The following EML2 variants were observed in gnomAD, a reference collection of about 807,000 sequenced individuals.
EML2 encodes EMAP like 2, also known as echinoderm microtubule-associated protein-like 2.
In EML2, 59 loss-of-function variants were observed where a neutral mutation model predicts 84.7. The observed-to-expected ratio is 0.70, with a 90% CI of 0.56 to 0.86. The LOEUF is 0.86. Among genes scored for constraint, EML2 ranks in the 40% least tolerant of loss-of-function variants. The probability of loss-of-function intolerance (pLI) is 0.00; values close to 1 mark genes in which losing one functional copy is unlikely to be tolerated. For missense variants in EML2, 818 were observed against 855.6 expected (o/e 0.96, Z 0.55); for synonymous variants, 352 against 348.9 (o/e 1.01, Z -0.10).
chr19:45,643,587 A>G, upstream of EML2: 2 of 1,536,002 alleles, frequency 1.3e-6, no homozygotes, highest in Middle Eastern at 1.7e-4. Flanking sequence ...ACCCAGACTC[A>G]TTGCTGACCA....
At chr19:45,641,921 C>G, upstream of EML2, 1 of 1,441,514 alleles carries the variant, frequency 6.9e-7, no homozygotes, top group Non-Finnish European at 9.1e-7. Context: ...GCCTTACCTG[C>G]GCCCGGAGGT....
intron 6 of EML2, among the ~76,000 whole-genome samples, chr19:45,631,029 T>C (rs983427229): frequency 4.6e-5 from 7 of 152,076 alleles, no homozygotes; most frequent in African/African-American, 7.2e-5. Flanking sequence ...GTATTTTTAG[T>C]AGAGACAGGG....
chr19:45,626,296 G>A lies in EML2; in HGVS notation c.741+409C>T, dbSNP rs181729812. 6.2e-4 allele frequency among the ~76,000 whole-genome samples: 94 copies of A among 151,510 alleles called. 1 individual carries two copies. The highest frequency in any genetic ancestry group is 2.1e-3 in the African/African-American group (87 of 41,246). Reference sequence around the variant, plus strand: ...CAAAATGCTGGGATTACAGGCGAGAGCCACCTTGCCACAGTACCCATTTAT... The same window carrying A: ...CAAAATGCTGGGATTACAGGCGAGAACCACCTTGCCACAGTACCCATTTAT... On this transcript the variant is annotated intron_variant, in intron 8 of 18. Transcript: ENST00000245925.
upstream of EML2, among the ~76,000 whole-genome samples, chr19:45,644,378 G>A (rs910293386): frequency 3.3e-5 from 5 of 152,120 alleles, no homozygotes; most frequent in African/African-American, 7.2e-5. Flanking sequence ...CTCTTAGAGG[G>A]ACAGAGGAGG....
intron 17 of EML2, 142 bp from the exon 18 acceptor site, chr19:45,613,813 A>G (rs1054477759): frequency 2.9e-6 from 3 of 1,051,226 alleles, no homozygotes; most frequent in Non-Finnish European, 4.0e-6. Flanking sequence ...ATTACCTTAA[A>G]ATGTGAATCC....
chr19:45,631,232 A>C (rs983118712), intron 6 of EML2, among the ~76,000 whole-genome samples: 8 of 152,054 alleles, frequency 5.3e-5, no homozygotes, highest in Middle Eastern at 3.2e-3. Context: ...CTTTGGTAAC[A>C]ATATGGCTTA....
At chr19:45,613,182 A>C (rs559573018) in intron 18 of EML2, among the ~76,000 whole-genome samples, 1 of 152,304 alleles carries the variant, frequency 6.6e-6, no homozygotes, top group East Asian at 1.9e-4. Context: ...TACAGGTGTG[A>C]GCCACTGCAA....
At chr19:45,633,749 AAAG>A (rs1283468084) in intron 4 of EML2, among the ~76,000 whole-genome samples, 2 of 151,948 alleles carry the variant, frequency 1.3e-5, no homozygotes, top group Non-Finnish European at 2.9e-5. Flanking sequence ...AAAAAAGAAA[AAAG>A]AAAAAAAAAG....
Position 45,633,154 on chromosome 19 carries a change from G to A in EML2, c.330-15C>T. On this transcript the variant is annotated splice_polypyrimidine_tract_variant and intron_variant, in intron 4 of 18. Coordinates refer to ENST00000245925, the MANE Select transcript of EML2 (RefSeq NM_012155.4). ...GGATGGCCAAGCTGCGGAAAGAAGG[G>A]ACAGAGAGACCAGGGCTCAGTGGGA... The A allele has an allele frequency of 1.2e-6, 2 of 1,605,522 alleles. No individual in the cohort carries two copies. Among genetic ancestry groups the A allele is most frequent in the Non-Finnish European group, 1.7e-6 (2 of 1,176,236 alleles).
chr19:45,621,732 T>A, intron 9 of EML2, 95 bp from the exon 10 acceptor site: 3 of 1,347,658 alleles, frequency 2.2e-6, no homozygotes, highest in Non-Finnish European at 3.0e-6. Context: ...GTCCATCCAT[T>A]CTCACCCACT....
upstream of EML2, chr19:45,642,187 G>A (rs1974591402): frequency 5.2e-6 from 8 of 1,531,596 alleles, no homozygotes; most frequent in Non-Finnish European, 7.0e-6. Flanking sequence ...GGTGCCCCGC[G>A]CGCGTAGCGC....
At chr19:45,638,344 C>T (rs957965966) in intron 3 of EML2, among the ~76,000 whole-genome samples, 161 bp downstream of exon 3, 5 of 152,184 alleles carry the variant, frequency 3.3e-5, no homozygotes, top group Non-Finnish European at 5.9e-5. Context: ...AGCCCTTGAA[C>T]GTGCTGTGCT....
chr19:45,615,839 G>C lies in EML2; in HGVS notation c.1560C>G (p.Cys520Trp), dbSNP rs1334225340. 1.2e-6 allele frequency: 2 copies of C among 1,614,010 alleles called. No homozygotes were observed. The highest frequency in any genetic ancestry group is 2.2e-5 in the South Asian group (2 of 91,078). ...THLDWAQDSS[C>W]FVTNSGDYEI... ...CATAGTCCCCGGAGTTGGTGACAAAGCAGCTGCTGTCCTGGGCCCAATCCA... is the reference window on the plus strand; with the variant it reads ...CATAGTCCCCGGAGTTGGTGACAAACCAGCTGCTGTCCTGGGCCCAATCCA... The change falls in exon 16 of 19, where the codon TGC (cysteine) becomes TGG (tryptophan). Residue 520 changes from cysteine to tryptophan, a missense_variant. Transcript: ENST00000245925.
intron 4 of EML2, among the ~76,000 whole-genome samples, 178 bp downstream of exon 4, chr19:45,634,144 C>T (rs959737970): frequency 3.9e-5 from 6 of 152,170 alleles, no homozygotes; most frequent in Non-Finnish European, 8.8e-5. Flanking sequence ...GATACTCAAT[C>T]CACATTTTCC....
intron 7 of EML2, 61 bp from the exon 8 acceptor site, chr19:45,626,900 G>A (rs1454467403): frequency 2.2e-5 from 33 of 1,510,800 alleles, no homozygotes; most frequent in East Asian, 4.9e-5. Context: ...TACTATACCC[G>A]CCCCTCACAG....
chr19:45,623,537 ATTC>A (rs1234357932), intron 9 of EML2: 1 of 151,344 alleles, frequency 6.6e-6, no homozygotes, highest in Non-Finnish European at 1.5e-5. Context: ...TTAAAAAAAA[ATTC>A]TTTATTAAAA....
upstream of EML2, chr19:45,639,427 T>C: frequency 8.0e-7 from 1 of 1,245,370 alleles, no homozygotes. Context: ...GGACCGGCTC[T>C]GCCGCTTCCG....
intron 6 of EML2, among the ~76,000 whole-genome samples, chr19:45,631,621 T>C (rs1973041987): frequency 6.6e-6 from 1 of 152,086 alleles, no homozygotes; most frequent in African/African-American, 2.4e-5. Context: ...TTGGCCAGGC[T>C]GGTCTCGAAC....
Position 45,616,452 on chromosome 19 carries a change from C to T in EML2, c.1509+9G>A. 1 of 1,575,238 alleles carries T rather than the reference C, an allele frequency of 6.3e-7. No individual in the cohort carries two copies. Reference sequence around the variant, plus strand: ...TGGCGGCGCGGGCTGGGGGCCACTGCCCACTCACCGAGCACTTGCCCAGGC... The same window carrying T: ...TGGCGGCGCGGGCTGGGGGCCACTGTCCACTCACCGAGCACTTGCCCAGGC... On this transcript the variant is annotated intron_variant, in intron 15 of 18. Transcript: ENST00000245925.
Sources: allele counts gnomAD v4.1 joint callset (sites outside exome capture counted in the v4.1 genomes callset), GRCh38; gene constraint gnomAD v4.1.1; transcripts MANE v1.5; gene names NCBI Gene and HGNC (gene_info 2026-07-23, HGNC 2026-07-21).